AKAP6: variants seen among roughly 807,000 people sequenced by gnomAD.
The protein encoded by AKAP6 is A-kinase anchoring protein 6.
In AKAP6, 58 loss-of-function variants were observed where a neutral mutation model predicts 188.5. That is an observed-to-expected ratio of 0.31 (90% CI 0.25 to 0.38). The LOEUF (loss-of-function observed/expected upper bound fraction) is 0.38, where lower values mean the gene tolerates loss of function less well. AKAP6 is among the 10% of genes least tolerant of loss of function. AKAP6 has a pLI of 1.00. For missense variants in AKAP6, 2,710 were observed against 2,740.0 expected (o/e 0.99, Z 0.24); for synonymous variants, 989 against 998.6 (o/e 0.99, Z 0.18).
intron 4 of AKAP6, among the ~76,000 whole-genome samples, chr14:32,554,327 G>A (rs1883603922): frequency 1.3e-5 from 2 of 152,230 alleles, no homozygotes; most frequent in Admixed American, 1.3e-4. Context: ...GAGTAAGGAA[G>A]AAGAGAGGGA....
chr14:32,604,077 A>G (rs957780061), intron 7 of AKAP6, among the ~76,000 whole-genome samples: 5 of 152,202 alleles, frequency 3.3e-5, no homozygotes, highest in African/African-American at 1.2e-4. Flanking sequence ...CTTAAGAGAA[A>G]ACCAAACAAA....
At chr14:32,773,983 A>G in intron 12 of AKAP6, 90 bp downstream of exon 12, 1 of 1,383,900 alleles carries the variant, frequency 7.2e-7, no homozygotes. Flanking sequence ...TTCATCTTAT[A>G]AATGGTTTTA....
At chr14:32,535,928 G>C in intron 3 of AKAP6, 123 bp downstream of exon 3, 2 of 1,394,092 alleles carry the variant, frequency 1.4e-6, no homozygotes, top group Non-Finnish European at 1.9e-6. Flanking sequence ...GATGGGCTTT[G>C]AATCTAGGCA....
chr14:32,519,123 C>A (rs1385263749), intron 2 of AKAP6, among the ~76,000 whole-genome samples: 9 of 152,128 alleles, frequency 5.9e-5, no homozygotes, highest in Non-Finnish European at 2.9e-5. Context: ...GAAATAAAAT[C>A]CTTTACAGAC....
chr14:32,402,365 G>A (rs1889124470), intron 1 of AKAP6, among the ~76,000 whole-genome samples: 2 of 152,160 alleles, frequency 1.3e-5, no homozygotes, highest in Admixed American at 1.3e-4. Context: ...TTAACATACA[G>A]CATTTTTCCT....
chr14:32,757,158 C>G (rs1363898629), intron 11 of AKAP6, among the ~76,000 whole-genome samples: 1 of 152,182 alleles, frequency 6.6e-6, no homozygotes, highest in Non-Finnish European at 1.5e-5. Context: ...CCTTCCTAGC[C>G]TTTTCAATAC....
chr14:32,621,228 G>C (rs955953358), intron 7 of AKAP6, among the ~76,000 whole-genome samples: 1 of 151,698 alleles, frequency 6.6e-6, no homozygotes, highest in Non-Finnish European at 1.5e-5. Flanking sequence ...TTTGAGTTTG[G>C]TTTGTTCTTA....
intron 1 of AKAP6, among the ~76,000 whole-genome samples, chr14:32,365,728 C>T (rs1887811184): frequency 6.6e-6 from 1 of 152,154 alleles, no homozygotes; most frequent in Non-Finnish European, 1.5e-5. Context: ...CAAACTTTGC[C>T]TCAAACCCCT....
intron 7 of AKAP6, among the ~76,000 whole-genome samples, chr14:32,615,360 A>G (rs562248037): frequency 1.3e-5 from 2 of 150,894 alleles, no homozygotes; most frequent in African/African-American, 4.9e-5. Flanking sequence ...GAACAGCTGA[A>G]TGAACCAACT....
chr14:32,400,721 A>G (rs1333948982), intron 1 of AKAP6, among the ~76,000 whole-genome samples: 1 of 152,164 alleles, frequency 6.6e-6, no homozygotes, highest in Non-Finnish European at 1.5e-5. Flanking sequence ...ACTCTGCTCC[A>G]AACCAATGGT....
intron 9 of AKAP6, among the ~76,000 whole-genome samples, chr14:32,720,003 C>T (rs1036911956): frequency 2.0e-5 from 3 of 152,302 alleles, no homozygotes; most frequent in South Asian, 2.1e-4. Context: ...CATACACATC[C>T]ATAGTTCAGG....
intron 1 of AKAP6, among the ~76,000 whole-genome samples, chr14:32,424,787 G>T (rs908897336): frequency 1.3e-5 from 2 of 152,166 alleles, no homozygotes; most frequent in Admixed American, 6.6e-5. Context: ...ATTTGTTAAG[G>T]ATAATGACCT....
chr14:32,772,381 A>G (rs1244762065), intron 11 of AKAP6, among the ~76,000 whole-genome samples: 3 of 152,206 alleles, frequency 2.0e-5, no homozygotes, highest in East Asian at 3.8e-4. Context: ...GCTGGTATAA[A>G]TTGAATAATA....
intron 9 of AKAP6, among the ~76,000 whole-genome samples, chr14:32,725,553 T>TA (rs576777293): frequency 1.5e-3 from 230 of 152,360 alleles, no homozygotes; most frequent in African/African-American, 5.3e-3. Flanking sequence ...AATTTGTTTT[T>TA]ACATCAGAGT....
In AKAP6 at chr14:32,565,410, A is replaced by G. The variant is rs1884141941; in HGVS notation, c.2347-11710A>G. Among the ~76,000 whole-genome samples the G allele has an allele frequency of 2.0e-5, 3 of 152,192 alleles. No individual in the cohort carries two copies. In the South Asian group the frequency reaches 6.2e-4, roughly 31 times the overall value. The stretch of plus-strand genomic sequence containing the variant: ...GTTGGCAGTCATCCCAGATTCTAAC[A>G]TCTTTCTCATCATCCATCAAATCCA... On this transcript the variant is annotated intron_variant, in intron 4 of 13. Coordinates refer to ENST00000280979, the MANE Select transcript of AKAP6 (RefSeq NM_004274.5).
At chr14:32,575,308 A>G (rs1278474532) in intron 4 of AKAP6, among the ~76,000 whole-genome samples, 1 of 152,114 alleles carries the variant, frequency 6.6e-6, no homozygotes, top group African/African-American at 2.4e-5. Context: ...CAATATGAGA[A>G]AATTAGAAAA....
intron 12 of AKAP6, among the ~76,000 whole-genome samples, chr14:32,785,107 A>G (rs953595390): frequency 1.3e-5 from 2 of 152,250 alleles, no homozygotes; most frequent in Admixed American, 6.5e-5. Context: ...ATTAGAGAAC[A>G]CCATTTGGAA....
rs1879433283 is a variant in AKAP6, at chr14:32,482,975, GTGTGTGTGTGTGTGTA to G, written c.324+49160_324+49175del. Among the ~76,000 whole-genome samples, 5 of 15,786 alleles carry G rather than the reference GTGTGTGTGTGTGTGTA, an allele frequency of 3.2e-4. No individual in the cohort carries two copies. In the African/African-American group the frequency reaches 4.6e-3, roughly 15 times the overall value. 10.4% of individuals were successfully genotyped at this position (15,786 alleles called of 152,430 possible). A position where few individuals can be genotyped will look rare whatever the true frequency, so the allele number is the denominator to read the frequency against. ...GGTCAAAGGGTGTGTGTGTGTGTCTGTGTGTGTGTGTGTGTATATATATATATATATATATATGTAT... is the reference window on the plus strand; with the variant it reads ...GGTCAAAGGGTGTGTGTGTGTGTCTGTATATATATATATATATATATGTAT... On this transcript the variant is annotated intron_variant, in intron 2 of 13. Transcript: ENST00000280979.
intron 2 of AKAP6, chr14:32,438,598 T>G (rs189757356): frequency 4.2e-4 from 64 of 152,262 alleles, no homozygotes; most frequent in Middle Eastern, 3.4e-3. Flanking sequence ...TTGGAAACAA[T>G]GAAATATATT....
Sources: gnomAD v4.1 joint callset for allele counts (sites outside exome capture counted in the v4.1 genomes callset) on GRCh38, gnomAD v4.1.1 for gene constraint, MANE v1.5 for transcripts, NCBI Gene and HGNC (gene_info 2026-07-23, HGNC 2026-07-21) for gene names.